Variants in ATOSA observed in about 807,000 individuals in gnomAD.
ATOSA encodes atos homolog protein A.
At chr15:52,660,629 GTATT>G in the ATOSA span, among the ~76,000 whole-genome samples, 1 of 152,166 alleles carries the variant, frequency 6.6e-6, no homozygotes, top group African/African-American at 2.4e-5. Flanking sequence ...AATTTATTGA[GTATT>G]TATTCAGAAT....
At chr15:52,669,153 T>A in the ATOSA span, among the ~76,000 whole-genome samples, 8 of 152,002 alleles carry the variant, frequency 5.3e-5, no homozygotes, top group African/African-American at 1.9e-4. Flanking sequence ...GATCTCCTGA[T>A]CTTGTGATCC....
At chr15:52,602,128 T>C in the ATOSA span, among the ~76,000 whole-genome samples, 20 of 152,242 alleles carry the variant, frequency 1.3e-4, no homozygotes, top group Non-Finnish European at 2.6e-4. Flanking sequence ...CCTTTTGTGC[T>C]TCATTCTAGG....
chr15:52,647,900 G>T, the ATOSA span, among the ~76,000 whole-genome samples: 5 of 151,994 alleles, frequency 3.3e-5, no homozygotes, highest in African/African-American at 1.2e-4. Flanking sequence ...TCTTTCTTCA[G>T]ATATTTAGCC....
At chr15:52,622,067 G>A in the ATOSA span, among the ~76,000 whole-genome samples, 61 of 152,060 alleles carry the variant, frequency 4.0e-4, 1 homozygote, top group South Asian at 0.012. Context: ...GGGTGGTCTC[G>A]AACTCCTGAC....
the ATOSA span, chr15:52,678,087 C>T: frequency 3.2e-6 from 5 of 1,580,158 alleles, no homozygotes; most frequent in Non-Finnish European, 3.5e-6. Flanking sequence ...ACAGGCTCGC[C>T]GCTGATTCTA....
chr15:52,661,001 T>A, the ATOSA span, among the ~76,000 whole-genome samples: 85 of 152,310 alleles, frequency 5.6e-4, no homozygotes, highest in African/African-American at 2.0e-3. Context: ...CATTTCCTCA[T>A]TACAGTAGCC....
chr15:52,668,190 C>T, the ATOSA span, among the ~76,000 whole-genome samples: 4 of 152,276 alleles, frequency 2.6e-5, no homozygotes, highest in East Asian at 1.9e-4. Flanking sequence ...GGTACACACA[C>T]GTGCGCACAC....
At chr15:52,671,818 T>A in the ATOSA span, among the ~76,000 whole-genome samples, 1 of 151,128 alleles carries the variant, frequency 6.6e-6, no homozygotes, top group Non-Finnish European at 1.5e-5. Context: ...GCAGAAGGAA[T>A]TTCGCATACC....
the ATOSA span, among the ~76,000 whole-genome samples, chr15:52,591,364 G>A: frequency 9.9e-5 from 15 of 152,162 alleles, no homozygotes; most frequent in South Asian, 4.1e-4. Context: ...TTGAGTAGCT[G>A]GGATTACAGG....
chr15:52,704,932 G>A, the ATOSA span, among the ~76,000 whole-genome samples: 1 of 152,132 alleles, frequency 6.6e-6, no homozygotes, highest in Non-Finnish European at 1.5e-5. Context: ...CAACCATTGT[G>A]GAAGACAGTG....
At chr15:52,585,557 T>A in the ATOSA span, among the ~76,000 whole-genome samples, 2 of 152,150 alleles carry the variant, frequency 1.3e-5, no homozygotes, top group African/African-American at 2.4e-5. Context: ...ATTAATTAGA[T>A]CTAAAGTAGG....
chr15:52,596,779 G>A, the ATOSA span, among the ~76,000 whole-genome samples: 9 of 152,128 alleles, frequency 5.9e-5, no homozygotes, highest in African/African-American at 1.2e-4. Context: ...GCTAGGCAAT[G>A]TTTTTTTAGA....
the ATOSA span, among the ~76,000 whole-genome samples, chr15:52,616,540 C>T: frequency 6.6e-6 from 1 of 152,048 alleles, no homozygotes. Flanking sequence ...TCAAGACCAG[C>T]CTGGGCAATA....
At chr15:52,586,114 T>G in the ATOSA span, 3 of 152,250 alleles carry the variant, frequency 2.0e-5, no homozygotes, top group African/African-American at 7.2e-5. Flanking sequence ...AGCTTTCCAC[T>G]GACCCACACT....
the ATOSA span, among the ~76,000 whole-genome samples, chr15:52,698,841 A>G: frequency 6.6e-6 from 1 of 152,230 alleles, no homozygotes; most frequent in Non-Finnish European, 1.5e-5. Flanking sequence ...AGATTACTGT[A>G]CTGTCTTCAT....
the ATOSA span, among the ~76,000 whole-genome samples, chr15:52,662,811 T>G: frequency 1.3e-5 from 2 of 151,052 alleles, no homozygotes; most frequent in African/African-American, 4.9e-5. Flanking sequence ...TAGTATTGTG[T>G]ACCATGTTAA....
At chr15:52,646,332 A>C in the ATOSA span, among the ~76,000 whole-genome samples, 1 of 152,318 alleles carries the variant, frequency 6.6e-6, no homozygotes, top group East Asian at 1.9e-4. Flanking sequence ...CATTCATAGC[A>C]GTGGACCTGT....
chr15:52,582,711 C>G, the ATOSA span, among the ~76,000 whole-genome samples: 1 of 152,236 alleles, frequency 6.6e-6, no homozygotes, highest in African/African-American at 2.4e-5. Flanking sequence ...GCTCCATAGA[C>G]TGACCCATTT....
chr15:52,609,402 G>C, the ATOSA span: 4 of 1,613,718 alleles, frequency 2.5e-6, no homozygotes, highest in African/African-American at 5.3e-5. Flanking sequence ...ATGACTGCCG[G>C]GGGATATGTG....
Sources: allele counts gnomAD v4.1 joint callset (sites outside exome capture counted in the v4.1 genomes callset), GRCh38; gene constraint gnomAD v4.1.1; transcripts MANE v1.5; gene names NCBI Gene and HGNC (gene_info 2026-07-23, HGNC 2026-07-21).